The following NAA35 variants were observed in gnomAD, a reference collection of about 807,000 sequenced individuals.
NAA35 encodes the protein MAK10 homolog, amino-acid N-acetyltransferase subunit.
NAA35 carries 18 observed loss-of-function variants against 101.7 expected under a neutral mutation model. The observed-to-expected ratio is 0.18, with a 90% CI of 0.12 to 0.26. The LOEUF is 0.26. NAA35 is among the 10% of genes least tolerant of loss of function. The pLI is 1.00. For synonymous variants in NAA35, 267 were observed against 273.1 expected (o/e 0.98, Z 0.22); for missense variants, 601 against 886.8 (o/e 0.68, Z 4.09).
At chr9:85,986,084 T>C (rs930801613) in intron 11 of NAA35, among the ~76,000 whole-genome samples, 1 of 152,152 alleles carries the variant, frequency 6.6e-6, no homozygotes, top group African/African-American at 2.4e-5. Flanking sequence ...CAAGTCCAGA[T>C]TGGAGGAAGC....
chr9:86,010,771 G>A (rs1222268662), intron 15 of NAA35, among the ~76,000 whole-genome samples: 1 of 150,234 alleles, frequency 6.7e-6, no homozygotes, highest in Non-Finnish European at 1.5e-5. Flanking sequence ...GTAGAGACGG[G>A]GTTTCACGTG....
intron 11 of NAA35, among the ~76,000 whole-genome samples, chr9:85,991,712 T>C (rs940817426): frequency 1.3e-5 from 2 of 152,136 alleles, no homozygotes. Flanking sequence ...TGTAGTGGAC[T>C]GAATGATGGT....
At chr9:85,959,292 C>A (rs1468702450) in intron 4 of NAA35, among the ~76,000 whole-genome samples, 2 of 150,774 alleles carry the variant, frequency 1.3e-5, no homozygotes, top group Non-Finnish European at 2.9e-5. Context: ...AGGAGAATGG[C>A]GTGGACCCGG....
chr9:85,979,433 ATGCT>A (rs1392166159), intron 11 of NAA35, among the ~76,000 whole-genome samples: 10 of 152,244 alleles, frequency 6.6e-5, no homozygotes, highest in Admixed American at 1.3e-4. Flanking sequence ...CTATGACCTA[ATGCT>A]TGCTTGGACC....
chr9:86,013,683 A>C, intron 16 of NAA35, 36 bp from the exon 17 acceptor site: 2 of 1,563,336 alleles, frequency 1.3e-6, no homozygotes, highest in Non-Finnish European at 1.7e-6. Context: ...TTAAGAAAAC[A>C]AAACGAACAC....
chr9:85,984,024 C>CAA (rs146695687), intron 11 of NAA35, among the ~76,000 whole-genome samples: 2,182 of 103,004 alleles, frequency 0.021, 61 homozygotes, highest in African/African-American at 0.064. Context: ...AAAATAGAAG[C>CAA]AAAAAAAAAA....
At chr9:86,018,444 C>T in intron 20 of NAA35, 49 bp downstream of exon 20, 1 of 1,566,056 alleles carries the variant, frequency 6.4e-7, no homozygotes, top group Non-Finnish European at 8.7e-7. Flanking sequence ...CTTAGACCTT[C>T]TTAGAGAGAT....
At position 85,977,466 on chromosome 9, in the gene NAA35, T is replaced by C; in HGVS notation, c.762+20T>C. On this transcript the variant is annotated intron_variant, in intron 10 of 22. Coordinates refer to ENST00000361671, the MANE Select transcript of NAA35 (RefSeq NM_024635.4). Reference sequence around the variant, plus strand: ...AAAGAGGTAAGGGCATTCAATATAATATGTCTATTTGTTTTAGTGATTTTG... The same window carrying C: ...AAAGAGGTAAGGGCATTCAATATAACATGTCTATTTGTTTTAGTGATTTTG... 1 of 1,531,182 alleles carries C rather than the reference T, an allele frequency of 6.5e-7. No homozygotes were observed. The highest frequency in any genetic ancestry group is 2.3e-5 in the East Asian group (1 of 44,332). 94.8% of individuals were successfully genotyped at this position (1,531,182 alleles called of 1,614,324 possible).
At chr9:85,965,009 A>AT (rs1032932234) in intron 6 of NAA35, among the ~76,000 whole-genome samples, 62 of 152,196 alleles carry the variant, frequency 4.1e-4, no homozygotes, top group African/African-American at 1.4e-3. Context: ...CAAAATTTGT[A>AT]TTTTTTTATT....
chr9:85,991,510 A>G (rs1344089673), intron 11 of NAA35, among the ~76,000 whole-genome samples: 1 of 152,150 alleles, frequency 6.6e-6, no homozygotes, highest in Non-Finnish European at 1.5e-5. Context: ...TCAAAGCCTA[A>G]GCAGGAAGAG....
rs762082304 is a variant in NAA35, at chr9:85,996,541, T to C, written c.1020T>C (p.Cys340=). The change falls in exon 12 of 23, where the codon TGT becomes TGC. Residue 340 remains cysteine (C), a synonymous_variant. Coordinates refer to ENST00000361671, the MANE Select transcript of NAA35 (RefSeq NM_024635.4). ...TAATAGATAGAATAAAAACTGTCTG[T>C]GAGGTTGTGAATTTAACAAATTTAC... ...ARLIDRIKTV[C]EVVNLTNLHC... The C allele has an allele frequency of 6.3e-7, 1 of 1,590,746 alleles. No homozygotes were observed. Among genetic ancestry groups the C allele is most frequent in the Non-Finnish European group, 8.5e-7 (1 of 1,173,388 alleles).
At chr9:85,986,512 A>G (rs1270627964) in intron 11 of NAA35, 1 of 464,456 alleles carries the variant, frequency 2.2e-6, no homozygotes, top group South Asian at 1.6e-5. Context: ...GAAGTCAGAG[A>G]TAATGTGTAA....
intron 14 of NAA35, among the ~76,000 whole-genome samples, chr9:86,007,900 A>T (rs745373800): frequency 4.6e-5 from 7 of 152,210 alleles, no homozygotes; most frequent in Non-Finnish European, 1.0e-4. Flanking sequence ...TACACCTAAC[A>T]GTGTATCTTT....
intron 9 of NAA35, 101 bp downstream of exon 9, chr9:85,976,836 G>A: frequency 1.2e-6 from 1 of 866,246 alleles, no homozygotes; most frequent in Non-Finnish European, 1.8e-6. Context: ...CCTTTTTAAG[G>A]TATTTCTTTA....
intron 6 of NAA35, among the ~76,000 whole-genome samples, chr9:85,973,605 T>C (rs1391218237): frequency 5.3e-5 from 8 of 152,208 alleles, no homozygotes; most frequent in Non-Finnish European, 1.0e-4. Flanking sequence ...TAGGTAGTAG[T>C]GCCATTTAGT....
chr9:85,978,450 G>A, intron 11 of NAA35, 69 bp downstream of exon 11: 2 of 1,094,618 alleles, frequency 1.8e-6, no homozygotes, highest in Middle Eastern at 2.1e-4. Flanking sequence ...TGCTTAGCTT[G>A]TACTAAAGTT....
At chr9:85,950,569 G>A (rs924885272) in intron 2 of NAA35, among the ~76,000 whole-genome samples, 2 of 152,078 alleles carry the variant, frequency 1.3e-5, no homozygotes, top group Non-Finnish European at 2.9e-5. Flanking sequence ...GGAATCTTAC[G>A]AGTCATCTAG....
intron 14 of NAA35, 85 bp downstream of exon 14, chr9:86,007,549 G>C (rs1831703545): frequency 2.1e-6 from 2 of 933,988 alleles, no homozygotes; most frequent in Admixed American, 2.1e-5. Context: ...TATAGCCAAA[G>C]TATCAAAATT....
Position 86,023,073 on chromosome 9 carries a change from T to C in NAA35, c.*1113T>C, listed in dbSNP as rs1161393480. Among the ~76,000 whole-genome samples, 2 of 152,320 alleles carry C rather than the reference T, an allele frequency of 1.3e-5. No individual in the cohort carries two copies. Among genetic ancestry groups the C allele is most frequent in the African/African-American group, 2.4e-5 (1 of 41,574 alleles). On this transcript the variant is annotated 3_prime_UTR_variant, in exon 23 of 23. Coordinates refer to ENST00000361671, the MANE Select transcript of NAA35 (RefSeq NM_024635.4). ...AAACATGATAGTATAGTGAAACTTT[T>C]CTGGCAGTACTTTAAAGCAGCTAAC... is the stretch of plus-strand genomic sequence containing the variant.
Sources: gnomAD v4.1 joint callset for allele counts (sites outside exome capture counted in the v4.1 genomes callset) on GRCh38, gnomAD v4.1.1 for gene constraint, MANE v1.5 for transcripts, NCBI Gene and HGNC (gene_info 2026-07-23, HGNC 2026-07-21) for gene names.